The following SPTLC2 variants were observed in gnomAD, a reference collection of about 807,000 sequenced individuals.
The protein encoded by SPTLC2 is serine palmitoyltransferase 2.
SPTLC2 carries 21 observed loss-of-function variants against 62.0 expected under a neutral mutation model. The observed-to-expected ratio is 0.34, with a 90% CI of 0.24 to 0.49. The LOEUF is 0.49. Ranked by LOEUF, SPTLC2 falls within the 20% of genes least tolerant of loss-of-function variation. SPTLC2 has a pLI of 0.99. For missense variants in SPTLC2, 511 were observed against 713.0 expected, an observed-to-expected ratio of 0.72 and a Z score of 3.23; for synonymous variants, 261 against 261.8, an observed-to-expected ratio of 1.00 and a Z score of 0.03.
At chr14:77,525,707 G>A (rs1026358691) in intron 9 of SPTLC2, among the ~76,000 whole-genome samples, 19 of 152,150 alleles carry the variant, frequency 1.2e-4, no homozygotes, top group African/African-American at 2.2e-4. Context: ...TCAGGAGATC[G>A]AGACCATCCT....
intron 2 of SPTLC2, among the ~76,000 whole-genome samples, chr14:77,580,965 T>C (rs1482042957): frequency 6.6e-6 from 1 of 152,226 alleles, no homozygotes; most frequent in African/African-American, 2.4e-5. Flanking sequence ...CTTAAGTCTG[T>C]AAAAAATCAA....
chr14:77,515,645 A>G (rs6574379), intron 11 of SPTLC2, among the ~76,000 whole-genome samples: 128,376 of 150,332 alleles, frequency 0.85, 55,897 homozygotes, highest in East Asian at 1. Flanking sequence ...CGCCTCCCAG[A>G]TTCAAGTGGT....
intron 9 of SPTLC2, among the ~76,000 whole-genome samples, chr14:77,550,165 G>T (rs762894292): frequency 6.6e-6 from 1 of 152,136 alleles, no homozygotes; most frequent in Non-Finnish European, 1.5e-5. Flanking sequence ...ACTTCTTCAA[G>T]GAATTAATTC....
intron 9 of SPTLC2, among the ~76,000 whole-genome samples, chr14:77,533,300 CAAAAA>C (rs35192294): frequency 4.1e-5 from 4 of 98,490 alleles, no homozygotes; most frequent in Admixed American, 1.1e-4. Flanking sequence ...AACTCCGTTG[CAAAAA>C]AAAAAAAAAA....
chr14:77,514,786 A>G (rs1316580560), intron 11 of SPTLC2, among the ~76,000 whole-genome samples: 2 of 151,752 alleles, frequency 1.3e-5, no homozygotes, highest in Non-Finnish European at 2.9e-5. Flanking sequence ...GCAACCCAAT[A>G]CTCGTTGTCT....
chr14:77,598,098 G>A (rs2079857887), intron 1 of SPTLC2, among the ~76,000 whole-genome samples: 1 of 146,886 alleles, frequency 6.8e-6, no homozygotes, highest in Admixed American at 6.9e-5. Context: ...CTCCAGCCTG[G>A]GAAATAAGAG....
intron 4 of SPTLC2, among the ~76,000 whole-genome samples, chr14:77,574,651 A>G (rs1432828347): frequency 6.6e-6 from 1 of 152,258 alleles, no homozygotes; most frequent in Admixed American, 6.5e-5. Flanking sequence ...ACAAAGGATT[A>G]TTATTCAGTC....
In SPTLC2 at chr14:77,597,365, G is replaced by C. The variant is rs2079853143; in HGVS notation, c.148C>G (p.Gln50Glu). 6.2e-7 allele frequency: 1 copy of C among 1,613,862 alleles called. No homozygotes were observed. The highest frequency in any genetic ancestry group is 8.5e-7 in the Non-Finnish European group (1 of 1,179,802). The change falls in exon 2 of 12, where the codon CAA (glutamine) becomes GAA (glutamate). Residue 50 changes from glutamine to glutamate, a missense_variant. Coordinates refer to ENST00000216484, the MANE Select transcript of SPTLC2 (RefSeq NM_004863.4). ...GGTCTTTTATATAGTCCTCCATTTT[G>C]TGTAACATGATGGATCTAAAAGAGA... ...AAAGQIHHVT[Q>E]NGGLYKRPFN...
At chr14:77,557,963 G>A (rs2079593929) in intron 6 of SPTLC2, among the ~76,000 whole-genome samples, 1 of 151,898 alleles carries the variant, frequency 6.6e-6, no homozygotes, top group South Asian at 2.1e-4. Context: ...GCCCTGAAAT[G>A]AAGTCCTTAA....
chr14:77,612,360 A>G (rs2079942688), intron 1 of SPTLC2, among the ~76,000 whole-genome samples: 1 of 152,264 alleles, frequency 6.6e-6, no homozygotes. Context: ...TCTTAAGAAC[A>G]TAGCTGCTTA....
chr14:77,555,404 C>T lies in SPTLC2; in HGVS notation c.1072G>A (p.Gly358Ser). 1 of 1,614,160 alleles carries T rather than the reference C, an allele frequency of 6.2e-7. No homozygotes were observed. Among genetic ancestry groups the T allele is most frequent in the South Asian group, 1.1e-5 (1 of 91,090 alleles). ...TCCAGGCCAAAGTACTCCACCACACCCCGGCCTGTGGGGCCCAGGGCGCCA... is the reference window on the plus strand; with the variant it reads ...TCCAGGCCAAAGTACTCCACCACACTCCGGCCTGTGGGGCCCAGGGCGCCA... ...SIGALGPTGR[G>S]VVEYFGLDPE... Residue 358 changes from glycine (G) to serine (S), a missense_variant, in exon 8 of 12, where the codon GGT (glycine) becomes AGT (serine). Transcript: ENST00000216484.
chr14:77,605,009 CTATT>C (rs1308530052), intron 1 of SPTLC2, among the ~76,000 whole-genome samples: 2 of 151,806 alleles, frequency 1.3e-5, no homozygotes, highest in East Asian at 1.9e-4. Flanking sequence ...AACATTTGGC[CTATT>C]TATTTATTTT....
intron 9 of SPTLC2, among the ~76,000 whole-genome samples, chr14:77,530,286 T>C (rs1040249325): frequency 6.6e-6 from 1 of 151,404 alleles, no homozygotes; most frequent in Non-Finnish European, 1.5e-5. Flanking sequence ...ATTTCCATCA[T>C]GCTCAACATT....
At chr14:77,558,138 C>T (rs1860040703) in intron 6 of SPTLC2, among the ~76,000 whole-genome samples, 1 of 151,910 alleles carries the variant, frequency 6.6e-6, no homozygotes, top group Admixed American at 6.6e-5. Flanking sequence ...GCCTCCACCT[C>T]CAAGGTTCAA....
chr14:77,557,647 G>A (rs1384187452), intron 6 of SPTLC2, among the ~76,000 whole-genome samples: 2 of 152,194 alleles, frequency 1.3e-5, no homozygotes, highest in Admixed American at 6.5e-5. Flanking sequence ...CACCCAGGAC[G>A]TACTCAATAA....
rs1047018718 is a variant in SPTLC2, at chr14:77,577,591, T to C, written c.483-676A>G. On this transcript the variant is annotated intron_variant, in intron 3 of 11. Transcript: ENST00000216484. ...ACATGAGAAGGGGTGTCACTGATAT[T>C]TGACCAAGCTAAGAAGGCAAGCTGT... Among the ~76,000 whole-genome samples, 6 of 152,122 alleles carry C rather than the reference T, an allele frequency of 3.9e-5. No homozygotes were observed. In the East Asian group the frequency reaches 9.6e-4, roughly 24 times the overall value.
At chr14:77,561,439 G>A (rs1004799508) in intron 6 of SPTLC2, among the ~76,000 whole-genome samples, 6 of 151,902 alleles carry the variant, frequency 3.9e-5, no homozygotes, top group Admixed American at 1.3e-4. Context: ...GTGAAACTCC[G>A]TCCCTACTAA....
At chr14:77,519,320 C>A (rs2079374646) in intron 10 of SPTLC2, among the ~76,000 whole-genome samples, 1 of 152,048 alleles carries the variant, frequency 6.6e-6, no homozygotes, top group South Asian at 2.1e-4. Context: ...CAGGTGTGAG[C>A]CACTGTGCCT....
chr14:77,609,870 C>T (rs1293391428), intron 1 of SPTLC2, among the ~76,000 whole-genome samples: 3 of 152,058 alleles, frequency 2.0e-5, no homozygotes, highest in South Asian at 2.1e-4. Context: ...ACAGTAACAC[C>T]CTGAATCAAT....
Sources: gnomAD v4.1 joint callset for allele counts (sites outside exome capture counted in the v4.1 genomes callset) on GRCh38, gnomAD v4.1.1 for gene constraint, MANE v1.5 for transcripts, NCBI Gene and HGNC (gene_info 2026-07-23, HGNC 2026-07-21) for gene names.